Variants in CFAP97D2 observed in about 807,000 individuals in gnomAD.
CFAP97D2 encodes CFAP97 domain containing 2, also known as uncharacterized protein CFAP97D2.
At chr13:114,191,767 A>G (rs1213566688) in intron 1 of CFAP97D2, among the ~76,000 whole-genome samples, 3 of 152,212 alleles carry the variant, frequency 2.0e-5, no homozygotes, top group Non-Finnish European at 4.4e-5. Context: ...CCACACAAAA[A>G]CCTGCACATG....
intron 2 of CFAP97D2, among the ~76,000 whole-genome samples, chr13:114,197,323 C>T (rs1228703979): frequency 6.6e-6 from 1 of 152,120 alleles, no homozygotes; most frequent in Non-Finnish European, 1.5e-5. Flanking sequence ...TATCTTATTG[C>T]TACAAAGAGT....
intron 3 of CFAP97D2, among the ~76,000 whole-genome samples, chr13:114,210,579 G>A (rs1160828959): frequency 6.6e-6 from 1 of 152,014 alleles, no homozygotes; most frequent in Non-Finnish European, 1.5e-5. Flanking sequence ...CTGCTCCCGT[G>A]GCTCAGCCTT....
rs934027535 is a variant in CFAP97D2, at chr13:114,179,728, A to G, written c.90+308A>G. 6.6e-6 allele frequency among the ~76,000 whole-genome samples: 1 copy of G among 152,046 alleles called. No individual in the cohort carries two copies. The highest frequency in any genetic ancestry group is 6.5e-5 in the Admixed American group (1 of 15,276). ...AGAAGTACTTAATTTTTCCTAAGTG[A>G]CTTGAAAGCATCTTAAGACAAAAAC... On this transcript the variant is annotated intron_variant, in intron 1 of 4. Transcript: ENST00000646158. The surrounding 1 kb of genome is among the most constrained non-coding windows in gnomAD (Gnocchi z 4.8).
intron 3 of CFAP97D2, among the ~76,000 whole-genome samples, chr13:114,208,766 T>G (rs1321145524): frequency 1.3e-5 from 2 of 152,218 alleles, no homozygotes; most frequent in Non-Finnish European, 2.9e-5. Context: ...GTGCCAAATC[T>G]CCCAGCCCAT....
intron 1 of CFAP97D2, among the ~76,000 whole-genome samples, chr13:114,182,532 G>A (rs188079251): frequency 3.9e-4 from 59 of 151,866 alleles, no homozygotes; most frequent in Admixed American, 1.2e-3. Flanking sequence ...CTCATCCCAC[G>A]AGGCCGTATT....
intron 1 of CFAP97D2, among the ~76,000 whole-genome samples, chr13:114,180,414 C>G (rs1383763804): frequency 6.6e-6 from 1 of 152,164 alleles, no homozygotes. Context: ...CACCTGCTGT[C>G]TCCTTTGAGG....
In CFAP97D2 at chr13:114,207,142, C is replaced by T. The variant is rs4433682; in HGVS notation, c.291-4770C>T. Among the ~76,000 whole-genome samples the T allele has an allele frequency of 1.3e-5, 2 of 152,228 alleles. No homozygotes were observed. The highest frequency in any genetic ancestry group is 2.9e-5 in the Non-Finnish European group (2 of 68,034). ...GGTGTGGGCAAGGCACAAGCTCAGC[C>T]TGAGCCCCATCTGCTCCCCTGCCGC... is the stretch of plus-strand genomic sequence containing the variant. On this transcript the variant is annotated intron_variant, in intron 3 of 4. Transcript: ENST00000646158. This position sits in a 1 kb window ranked among gnomAD's most constrained non-coding sequence, Gnocchi z 4.9.
At chr13:114,212,754 A>G (rs1043701228) in intron 4 of CFAP97D2, among the ~76,000 whole-genome samples, 1 of 152,222 alleles carries the variant, frequency 6.6e-6, no homozygotes, top group Non-Finnish European at 1.5e-5. Flanking sequence ...CGGGAGGCTG[A>G]GGCAGGAGAA....
chr13:114,208,019 A>G (rs1006509919), intron 3 of CFAP97D2, among the ~76,000 whole-genome samples: 39 of 152,106 alleles, frequency 2.6e-4, no homozygotes, highest in African/African-American at 9.2e-4. Context: ...GGAGCTGGTA[A>G]GATCTGTGAG....
At chr13:114,197,366 C>T (rs1004778213) in intron 2 of CFAP97D2, among the ~76,000 whole-genome samples, 1 of 152,096 alleles carries the variant, frequency 6.6e-6, no homozygotes, top group Admixed American at 6.5e-5. Context: ...CTGTTTTAAC[C>T]TTAATGCTGG....
At chr13:114,218,430 T>G (rs1384604161) in intron 4 of CFAP97D2, among the ~76,000 whole-genome samples, 14 of 152,156 alleles carry the variant, frequency 9.2e-5, no homozygotes, top group African/African-American at 3.4e-4. Context: ...AGAATCAATA[T>G]AGTGAAAATG....
At chr13:114,204,279 G>T (rs1413126163) in intron 3 of CFAP97D2, among the ~76,000 whole-genome samples, 2 of 152,206 alleles carry the variant, frequency 1.3e-5, no homozygotes, top group African/African-American at 4.8e-5. Flanking sequence ...TAACTTGCAG[G>T]TGTCTGGTAA....
intron 2 of CFAP97D2, among the ~76,000 whole-genome samples, chr13:114,197,742 A>G (rs972042052): frequency 1.3e-5 from 2 of 152,102 alleles, no homozygotes; most frequent in Non-Finnish European, 2.9e-5. Context: ...GAGTCCAGTG[A>G]TACAACTTCA....
chr13:114,209,475 T>C (rs1447717877), intron 3 of CFAP97D2, among the ~76,000 whole-genome samples: 2 of 152,252 alleles, frequency 1.3e-5, no homozygotes, highest in Non-Finnish European at 2.9e-5. Context: ...CTTCCTGGTA[T>C]GTGAAAAGAA....
Position 114,186,581 on chromosome 13 carries a change from G to A in CFAP97D2, c.90+7161G>A, listed in dbSNP as rs2080853864. On this transcript the variant is annotated intron_variant, in intron 1 of 4. Coordinates refer to ENST00000646158, the Ensembl canonical transcript of CFAP97D2. The surrounding 1 kb of genome is among the most constrained non-coding windows in gnomAD (Gnocchi z 4.3). The stretch of plus-strand genomic sequence containing the variant: ...GGAGAAAAGAGCTGAGGCTCTTGGG[G>A]GGTCCCAGACCTGGGAGCTCCCTGA... 6.6e-6 allele frequency among the ~76,000 whole-genome samples: 1 copy of A among 152,214 alleles called. No homozygotes were observed.
chr13:114,184,437 A>G (rs1028619539), intron 1 of CFAP97D2, among the ~76,000 whole-genome samples: 9 of 152,248 alleles, frequency 5.9e-5, no homozygotes, highest in Non-Finnish European at 1.3e-4. Context: ...ACCTAGGCAT[A>G]TCGTGTTCAA....
chr13:114,181,716 C>G (rs2080833089), intron 1 of CFAP97D2, among the ~76,000 whole-genome samples: 1 of 152,110 alleles, frequency 6.6e-6, no homozygotes, highest in Admixed American at 6.5e-5. Context: ...TGTAAAGGAC[C>G]TTGGTAGAAT....
chr13:114,220,196 AC>A (rs753160328), intron 4 of CFAP97D2, among the ~76,000 whole-genome samples: 3 of 152,022 alleles, frequency 2.0e-5, no homozygotes, highest in Non-Finnish European at 2.9e-5. Flanking sequence ...CTGCTGTTGG[AC>A]CACCTCCCTA....
At chr13:114,184,922 ATC>A (rs2080849481) in intron 1 of CFAP97D2, among the ~76,000 whole-genome samples, 1 of 152,250 alleles carries the variant, frequency 6.6e-6, no homozygotes, top group Non-Finnish European at 1.5e-5. Flanking sequence ...TTATGTGCAT[ATC>A]TCTATCTGTG....
Sources: gnomAD v4.1 joint callset for allele counts (sites outside exome capture counted in the v4.1 genomes callset) on GRCh38, gnomAD v4.1.1 for gene constraint, Gnocchi (gnomAD v3.1) non-coding constraint, MANE v1.5 for transcripts, NCBI Gene and HGNC (gene_info 2026-07-23, HGNC 2026-07-21) for gene names.